MCTP1: variants seen among roughly 807,000 people sequenced by gnomAD.
The protein encoded by MCTP1 is multiple C2 and transmembrane domain-containing protein 1.
In MCTP1, 69 loss-of-function variants were observed where a neutral mutation model predicts 120.6. The observed-to-expected ratio is 0.57, with a 90% CI of 0.47 to 0.70. The LOEUF is 0.70. Ranked by LOEUF, MCTP1 falls within the 30% of genes least tolerant of loss-of-function variation. MCTP1 has a pLI of 0.00. For synonymous variants in MCTP1, 529 were observed against 493.1 expected (o/e 1.07, Z -0.96); for missense variants, 1,203 against 1,248.8 (o/e 0.96, Z 0.55).
chr5:94,781,870 T>C (rs894196932), intron 18 of MCTP1, among the ~76,000 whole-genome samples: 6 of 152,110 alleles, frequency 3.9e-5, no homozygotes, highest in Non-Finnish European at 7.4e-5. Flanking sequence ...GGCAGAAAAG[T>C]GTTGTGTTAG....
intron 1 of MCTP1, among the ~76,000 whole-genome samples, chr5:95,113,962 T>G (rs1314785159): frequency 1.3e-5 from 2 of 152,160 alleles, no homozygotes; most frequent in Non-Finnish European, 2.9e-5. Context: ...CACAGCAGGA[T>G]AGGGTACCAG....
At chr5:95,269,531 T>G (rs1759188936) in intron 1 of MCTP1, among the ~76,000 whole-genome samples, 1 of 152,224 alleles carries the variant, frequency 6.6e-6, no homozygotes, top group South Asian at 2.1e-4. Context: ...GAAACTTTTC[T>G]TCAACTAATG....
chr5:94,922,997 C>CAAAAAAAAAAAAAA (rs202245253), intron 7 of MCTP1, among the ~76,000 whole-genome samples: 3 of 99,548 alleles, frequency 3.0e-5, no homozygotes, highest in African/African-American at 8.1e-5. Context: ...TAAAAAGCTG[C>CAAAAAAAAAAAAAA]AAAAAAAAAA....
intron 1 of MCTP1, among the ~76,000 whole-genome samples, chr5:95,255,759 G>A (rs1321499714): frequency 6.6e-6 from 1 of 152,098 alleles, no homozygotes; most frequent in Non-Finnish European, 1.5e-5. Context: ...CAGAGAACCA[G>A]GAATTAAAGA....
At chr5:94,853,096 AT>A (rs1271556198) in intron 17 of MCTP1, among the ~76,000 whole-genome samples, 5 of 152,052 alleles carry the variant, frequency 3.3e-5, no homozygotes, top group African/African-American at 1.2e-4. Flanking sequence ...CCAATATTTG[AT>A]TTTATCATTT....
At chr5:94,714,637 G>GTAAA in intron 20 of MCTP1, 140 bp downstream of exon 20, 2 of 678,222 alleles carry the variant, frequency 2.9e-6, no homozygotes, top group Non-Finnish European at 5.3e-6. Context: ...CAGAAATAAA[G>GTAAA]TAAATAATGA....
chr5:94,796,722 C>T (rs1013103612), intron 18 of MCTP1, among the ~76,000 whole-genome samples: 3 of 149,308 alleles, frequency 2.0e-5, no homozygotes, highest in East Asian at 1.9e-4. Context: ...AAGGAGCAAC[C>T]GGTTCAAATG....
At position 94,706,348 on chromosome 5, in the gene MCTP1, T is replaced by G. The variant is rs1754587407; in HGVS notation, c.*1148A>C. The G allele has an allele frequency of 6.6e-6, 1 of 151,804 alleles. No homozygotes were observed. The highest frequency in any genetic ancestry group is 2.4e-5 in the African/African-American group (1 of 41,492). The allele number at this position is 151,804 out of a possible 1,614,324, so 9.4% of individuals were successfully genotyped here. A position where few individuals can be genotyped will look rare whatever the true frequency, so the allele number is the denominator to read the frequency against. On this transcript the variant is annotated 3_prime_UTR_variant, in exon 23 of 23. Coordinates refer to ENST00000515393, the MANE Select transcript of MCTP1 (RefSeq NM_024717.7). The stretch of plus-strand genomic sequence containing the variant: ...TGGGAATGCAATTTTTAAGTATAGA[T>G]TCTATGATAATAGTGAAACATTGAT...
intron 1 of MCTP1, among the ~76,000 whole-genome samples, chr5:95,059,217 A>C (rs1748250638): frequency 6.6e-6 from 1 of 151,550 alleles, no homozygotes; most frequent in African/African-American, 2.4e-5. Flanking sequence ...GCATATATAT[A>C]TATATATACA....
chr5:95,147,144 T>C (rs1468310297), intron 1 of MCTP1, among the ~76,000 whole-genome samples: 1 of 152,158 alleles, frequency 6.6e-6, no homozygotes, highest in Admixed American at 6.5e-5. Context: ...TGGAGTGCAG[T>C]GGTGTGATCT....
In MCTP1 at chr5:95,020,237, C is replaced by T. The variant is rs186724855; in HGVS notation, c.721-2753G>A. Among the ~76,000 whole-genome samples, 151 of 152,090 alleles carry T rather than the reference C, an allele frequency of 9.9e-4. 3 individuals are homozygous for T. Among genetic ancestry groups the T allele is most frequent in the Admixed American group, 9.1e-3 (138 of 15,240 alleles). ...TCAGTGCTTCTTGAAGTTTAGCATG[C>T]ATAGAATTTGTAGAGTATCAGGTTT... is the stretch of plus-strand genomic sequence containing the variant. On this transcript the variant is annotated intron_variant, in intron 1 of 22. Coordinates refer to ENST00000515393, the MANE Select transcript of MCTP1 (RefSeq NM_024717.7).
intron 18 of MCTP1, among the ~76,000 whole-genome samples, chr5:94,796,613 T>A (rs1374806562): frequency 1.1e-5 from 1 of 94,392 alleles, no homozygotes; most frequent in Non-Finnish European, 2.2e-5. Context: ...ATAATATATA[T>A]AATATATATA....
chr5:94,931,266 A>G (rs991838308), intron 6 of MCTP1: 3 of 152,264 alleles, frequency 2.0e-5, no homozygotes, highest in Non-Finnish European at 4.4e-5. Flanking sequence ...TAGAAATTTG[A>G]GCAGACAAGA....
intron 1 of MCTP1, among the ~76,000 whole-genome samples, chr5:95,125,597 A>G (rs1388968027): frequency 1.3e-5 from 2 of 152,060 alleles, no homozygotes; most frequent in African/African-American, 4.8e-5. Flanking sequence ...GTCTTGTTTT[A>G]CTCCTAACAC....
intron 1 of MCTP1, among the ~76,000 whole-genome samples, chr5:95,212,172 T>C (rs1038115297): frequency 3.9e-5 from 6 of 152,122 alleles, no homozygotes; most frequent in Non-Finnish European, 5.9e-5. Context: ...CAATAAAAGA[T>C]GATAAAGGGG....
intron 1 of MCTP1, among the ~76,000 whole-genome samples, chr5:95,196,619 A>G (rs1299959428): frequency 6.6e-6 from 1 of 152,244 alleles, no homozygotes; most frequent in Non-Finnish European, 1.5e-5. Flanking sequence ...AAATCCTATA[A>G]GTATATGCAG....
intron 1 of MCTP1, among the ~76,000 whole-genome samples, chr5:95,023,878 T>C (rs1838684171): frequency 6.6e-6 from 1 of 152,208 alleles, no homozygotes; most frequent in African/African-American, 2.4e-5. Context: ...ATATCTAAGT[T>C]GTCTGCTCTT....
chr5:95,248,561 G>C (rs1371974018), intron 1 of MCTP1, among the ~76,000 whole-genome samples: 1 of 152,130 alleles, frequency 6.6e-6, no homozygotes, highest in African/African-American at 2.4e-5. Context: ...TCATGGATAG[G>C]AAGAATCAAT....
At chr5:94,963,176 TAC>T (rs1052946973) in intron 2 of MCTP1, among the ~76,000 whole-genome samples, 5 of 152,074 alleles carry the variant, frequency 3.3e-5, no homozygotes, top group African/African-American at 1.2e-4. Context: ...GAGGAAAACA[TAC>T]AGTCAAACTA....
Sources: allele counts gnomAD v4.1 joint callset (sites outside exome capture counted in the v4.1 genomes callset), GRCh38; gene constraint gnomAD v4.1.1; transcripts MANE v1.5; gene names NCBI Gene and HGNC (gene_info 2026-07-23, HGNC 2026-07-21).